RABGEF1: variants seen among roughly 807,000 people sequenced by gnomAD.
RABGEF1 encodes the protein rab5 GDP/GTP exchange factor.
A neutral mutation model predicts 57.3 loss-of-function variants in RABGEF1; 26 were observed. The ratio of observed to expected loss-of-function variants is 0.45; its 90% confidence interval spans 0.33 to 0.63. The LOEUF is 0.63. RABGEF1 is among the 20% of genes least tolerant of loss of function. The pLI, the probability that RABGEF1 is intolerant of heterozygous loss-of-function variation, is 0.02. For missense variants in RABGEF1, 464 were observed against 607.6 expected, an observed-to-expected ratio of 0.76 and a Z score of 2.48; for synonymous variants, 185 against 210.7, an observed-to-expected ratio of 0.88 and a Z score of 1.06.
chr7:66,768,236 G>A (rs1246151602), intron 1 of RABGEF1, among the ~76,000 whole-genome samples: 3 of 152,280 alleles, frequency 2.0e-5, no homozygotes, highest in East Asian at 1.9e-4. Flanking sequence ...AGGAGCTGTC[G>A]TCTTTCTCTT....
intron 1 of RABGEF1, among the ~76,000 whole-genome samples, chr7:66,683,659 G>A (rs1324934960): frequency 1.3e-5 from 2 of 152,166 alleles, no homozygotes; most frequent in African/African-American, 4.8e-5. Context: ...GTAACATTCA[G>A]ACTAACAGGG....
At chr7:66,655,276 A>G in the RABGEF1 span, among the ~76,000 whole-genome samples, 1 of 152,142 alleles carries the variant, frequency 6.6e-6, no homozygotes, top group Non-Finnish European at 1.5e-5. Context: ...GAGAGCCGAG[A>G]GATGTCCATC....
chr7:66,665,852 T>C, the RABGEF1 span, among the ~76,000 whole-genome samples: 3 of 152,064 alleles, frequency 2.0e-5, no homozygotes, highest in African/African-American at 7.2e-5. Context: ...CTTGACAAGC[T>C]CCTAGCCAGA....
At chr7:66,780,946 TACAG>T (rs1185111166) in intron 3 of RABGEF1, among the ~76,000 whole-genome samples, 2 of 152,224 alleles carry the variant, frequency 1.3e-5, no homozygotes, top group Admixed American at 6.5e-5. Flanking sequence ...GTTAATTTCT[TACAG>T]ACAGCATGAA....
At chr7:66,700,264 C>G (rs1356461072) in intron 1 of RABGEF1, among the ~76,000 whole-genome samples, 1 of 152,278 alleles carries the variant, frequency 6.6e-6, no homozygotes, top group Non-Finnish European at 1.5e-5. Context: ...GACAGCCCTA[C>G]TGGGCCGGAG....
chr7:66,704,684 G>A (rs905377390), intron 1 of RABGEF1, among the ~76,000 whole-genome samples: 4 of 151,986 alleles, frequency 2.6e-5, no homozygotes, highest in African/African-American at 9.7e-5. Flanking sequence ...GGTGGTGGGC[G>A]CCTGTAGTCC....
chr7:66,692,181 A>G (rs554143924), intron 1 of RABGEF1, among the ~76,000 whole-genome samples: 22 of 152,372 alleles, frequency 1.4e-4, no homozygotes, highest in African/African-American at 5.0e-4. Context: ...ATACTGAACA[A>G]TCTGCATTGG....
the RABGEF1 span, chr7:66,665,395 T>G: frequency 6.6e-6 from 1 of 152,144 alleles, no homozygotes; most frequent in Non-Finnish European, 1.5e-5. Flanking sequence ...CTTCTCACCT[T>G]GGCTTCCCAA....
chr7:66,760,631 A>G (rs1818313043), intron 1 of RABGEF1, among the ~76,000 whole-genome samples: 1 of 151,954 alleles, frequency 6.6e-6, no homozygotes, highest in Non-Finnish European at 1.5e-5. Flanking sequence ...TTTAATAGAG[A>G]TGGAGTTTCA....
At chr7:66,804,678 T>A (rs1788030830) in intron 7 of RABGEF1, among the ~76,000 whole-genome samples, 1 of 146,076 alleles carries the variant, frequency 6.8e-6, no homozygotes, top group Non-Finnish European at 1.5e-5. Flanking sequence ...GAGGTTGCAG[T>A]GAGCAGAGAT....
At chr7:66,737,804 G>A (rs1434054370), upstream of RABGEF1, among the ~76,000 whole-genome samples, 1 of 152,086 alleles carries the variant, frequency 6.6e-6, no homozygotes, top group Non-Finnish European at 1.5e-5. Flanking sequence ...TCTGCAGTGA[G>A]CCATGATCCT....
chr7:66,720,101 G>T (rs1260828800), intron 2 of RABGEF1, among the ~76,000 whole-genome samples: 2 of 151,406 alleles, frequency 1.3e-5, no homozygotes, highest in Non-Finnish European at 2.9e-5. Context: ...ACAGAAGAAA[G>T]GTTTAAAATG....
At chr7:66,708,436 C>T (rs934382330) in intron 1 of RABGEF1, among the ~76,000 whole-genome samples, 1 of 152,186 alleles carries the variant, frequency 6.6e-6, no homozygotes. Flanking sequence ...TCTAGGCTTG[C>T]ACCACCATGC....
chr7:66,682,585 C>T (rs1789935793), intron 1 of RABGEF1, among the ~76,000 whole-genome samples: 2 of 152,206 alleles, frequency 1.3e-5, no homozygotes, highest in Non-Finnish European at 2.9e-5. Flanking sequence ...GTCCGGCTCC[C>T]ACTTCCCCGT....
intron 1 of RABGEF1, among the ~76,000 whole-genome samples, chr7:66,688,481 G>A (rs1471638985): frequency 6.6e-6 from 1 of 152,132 alleles, no homozygotes; most frequent in East Asian, 1.9e-4. Flanking sequence ...GAGCATGTGG[G>A]ACATTGTCCA....
At chr7:66,783,636 T>C (rs774562219) in intron 3 of RABGEF1, 39 bp from the exon 4 acceptor site, 1 of 1,533,510 alleles carries the variant, frequency 6.5e-7, no homozygotes, top group Non-Finnish European at 8.8e-7. Flanking sequence ...CATGGATCTT[T>C]TATGTCATGA....
chr7:66,731,815 TTA>T (rs1424562300), intron 2 of RABGEF1, among the ~76,000 whole-genome samples: 2 of 152,214 alleles, frequency 1.3e-5, no homozygotes, highest in South Asian at 2.1e-4. Context: ...CCCAGACACT[TTA>T]TGTCATAGTG....
rs780745097 is a variant in RABGEF1, at chr7:66,805,120, T to C, written c.821-20T>C. ...TGTGATTCTTTTCTCCTGGGAAATA[T>C]TGTCTTTTCTGCTTTGTAGATATCA... is the stretch of plus-strand genomic sequence containing the variant. On this transcript the variant is annotated intron_variant, in intron 7 of 8. Transcript: ENST00000284957. 23 of 1,568,362 alleles carry C rather than the reference T, an allele frequency of 1.5e-5. No individual in the cohort carries two copies. The highest frequency in any genetic ancestry group is 3.4e-5 in the Admixed American group (2 of 59,410).
the RABGEF1 span, among the ~76,000 whole-genome samples, chr7:66,656,820 C>CAAAAAA: frequency 2.7e-5 from 2 of 73,830 alleles, no homozygotes; most frequent in African/African-American, 5.3e-5. Context: ...AACTGCATCT[C>CAAAAAA]AAAAAAAAAA....
Sources: allele counts gnomAD v4.1 joint callset (sites outside exome capture counted in the v4.1 genomes callset), GRCh38; gene constraint gnomAD v4.1.1; transcripts MANE v1.5; gene names NCBI Gene and HGNC (gene_info 2026-07-23, HGNC 2026-07-21).